The following CRISPLD1 variants were observed in gnomAD, a reference collection of about 807,000 sequenced individuals.
CRISPLD1 encodes the protein cysteine-rich secretory protein LCCL domain-containing 1.
Under a neutral mutation model 77.5 loss-of-function variants are expected in CRISPLD1, and 60 were observed. The observed-to-expected ratio is 0.77, with a 90% CI of 0.63 to 0.96. The LOEUF is 0.96. CRISPLD1 is among the 40% of genes least tolerant of loss of function. The pLI is 0.00. For missense variants in CRISPLD1, 623 were observed against 615.8 expected (o/e 1.01, Z -0.12); for synonymous variants, 195 against 200.1 (o/e 0.97, Z 0.22).
At chr8:74,991,027 CTG>C (rs1169293554) in intron 2 of CRISPLD1, among the ~76,000 whole-genome samples, 1 of 151,588 alleles carries the variant, frequency 6.6e-6, no homozygotes, top group Admixed American at 6.6e-5. Flanking sequence ...GAATCTCACT[CTG>C]TCAGCCAGGC....
intron 2 of CRISPLD1, among the ~76,000 whole-genome samples, chr8:75,008,885 AATAAT>A (rs1812880904): frequency 6.6e-6 from 1 of 152,174 alleles, no homozygotes; most frequent in African/African-American, 2.4e-5. Flanking sequence ...AAAGTATTTG[AATAAT>A]ATGTTTTACG....
At chr8:74,997,049 A>T in intron 2 of CRISPLD1, among the ~76,000 whole-genome samples, 1 of 152,150 alleles carries the variant, frequency 6.6e-6, no homozygotes, top group Non-Finnish European at 1.5e-5. Context: ...AAGTGAATAA[A>T]AATTTGTTTT....
In CRISPLD1 at chr8:75,029,495, C is replaced by T; in HGVS notation, c.1429C>T (p.Gln477Ter). The change falls in exon 14 of 15, where the codon CAG becomes TAG. Residue 477 changes from glutamine to a stop codon, truncating the protein, a stop_gained. Coordinates refer to ENST00000262207, the MANE Select transcript of CRISPLD1 (RefSeq NM_031461.6). LOFTEE classifies it high-confidence loss of function. ...AAGAAAGACCTACATTGCTTCTTTTCAGAATGGAATCTTCTCAGAAAGGTA... is the reference window on the plus strand; with the variant it reads ...AAGAAAGACCTACATTGCTTCTTTTTAGAATGGAATCTTCTCAGAAAGGTA... Reference protein sequence around the residue: ...DKRKTYIASFQNGIFSESLQN... With the variant: ...DKRKTYIASF 6.2e-7 allele frequency: 1 copy of T among 1,613,592 alleles called. No individual in the cohort carries two copies. The highest frequency in any genetic ancestry group is 8.5e-7 in the Non-Finnish European group (1 of 1,179,644).
chr8:75,006,865 A>G (rs1812840737), intron 2 of CRISPLD1, among the ~76,000 whole-genome samples: 2 of 152,116 alleles, frequency 1.3e-5, no homozygotes. Flanking sequence ...TTTATATGTG[A>G]AAGTCTGATT....
At chr8:75,000,076 A>G in intron 2 of CRISPLD1, 1 of 909,302 alleles carries the variant, frequency 1.1e-6, no homozygotes, top group Non-Finnish European at 1.3e-6. Context: ...AGGCAAGACC[A>G]GGAGTGAACA....
Position 75,032,880 on chromosome 8 carries a change from A to AAAG in CRISPLD1, c.*639_*641dup, listed in dbSNP as rs1813376540. On this transcript the variant is annotated 3_prime_UTR_variant, in exon 15 of 15. Coordinates refer to ENST00000262207, the MANE Select transcript of CRISPLD1 (RefSeq NM_031461.6). ...GAATGGCCTTAAAAATAAATGTAAT[A>AAAG]AAGTCAGAGTGGTGGTATGAAAACA... 6.6e-6 allele frequency: 1 copy of AAAG among 151,946 alleles called. No homozygotes were observed. The highest frequency in any genetic ancestry group is 2.4e-5 in the African/African-American group (1 of 41,440). The allele number at this position is 151,946 out of a possible 1,614,324, so 9.4% of individuals were successfully genotyped here.
At chr8:74,998,986 AC>A (rs1255458206) in intron 2 of CRISPLD1, among the ~76,000 whole-genome samples, 1 of 152,120 alleles carries the variant, frequency 6.6e-6, no homozygotes, top group African/African-American at 2.4e-5. Context: ...ACAGATACAT[AC>A]CAAATAGCAT....
chr8:75,009,069 CAA>C (rs543041436), intron 2 of CRISPLD1, among the ~76,000 whole-genome samples: 25 of 152,116 alleles, frequency 1.6e-4, no homozygotes, highest in South Asian at 4.2e-4. Flanking sequence ...GTGTGTGAAA[CAA>C]GAGTAAATTG....
At chr8:74,986,401 TC>T (rs1226108958) in intron 2 of CRISPLD1, among the ~76,000 whole-genome samples, 156 bp downstream of exon 2, 1 of 152,216 alleles carries the variant, frequency 6.6e-6, no homozygotes, top group Non-Finnish European at 1.5e-5. Context: ...TTATTAATGT[TC>T]CTTTTGTTTC....
intron 12 of CRISPLD1, among the ~76,000 whole-genome samples, chr8:75,022,531 T>C (rs902717156): frequency 6.8e-6 from 1 of 147,226 alleles, no homozygotes; most frequent in African/African-American, 2.5e-5. Context: ...GAGCTTGCAG[T>C]GAGCTGAGAT....
chr8:75,006,913 TTA>T (rs1812841715), intron 2 of CRISPLD1, among the ~76,000 whole-genome samples: 1 of 152,256 alleles, frequency 6.6e-6, no homozygotes, highest in Non-Finnish European at 1.5e-5. Flanking sequence ...TCATAAAACT[TTA>T]TATCCTTTAA....
chr8:75,029,652 A>G (rs997226734), intron 14 of CRISPLD1, 135 bp downstream of exon 14: 14 of 785,332 alleles, frequency 1.8e-5, no homozygotes, highest in Non-Finnish European at 2.8e-5. Flanking sequence ...GTTCCTTTGC[A>G]CACTTGTGTA....
At chr8:75,021,407 A>C (rs1813134196) in intron 12 of CRISPLD1, among the ~76,000 whole-genome samples, 1 of 152,140 alleles carries the variant, frequency 6.6e-6, no homozygotes, top group African/African-American at 2.4e-5. Flanking sequence ...GTGCTGTTGT[A>C]ATATTTTTGG....
At chr8:75,007,311 C>A (rs1052475356) in intron 2 of CRISPLD1, among the ~76,000 whole-genome samples, 2 of 152,076 alleles carry the variant, frequency 1.3e-5, no homozygotes, top group African/African-American at 4.8e-5. Context: ...TCACTAATTA[C>A]TGTTTTTGCA....
In CRISPLD1 at chr8:75,028,775, A is replaced by C. The variant is rs1279008651; in HGVS notation, c.1321-612A>C. On this transcript the variant is annotated intron_variant, in intron 13 of 14. Transcript: ENST00000262207. ...CAAACTAAGTTGACAGGCATTACAA[A>C]TCTAGGTAGAAGCTATGATGATTCT... is the stretch of plus-strand genomic sequence containing the variant. Among the ~76,000 whole-genome samples the C allele has an allele frequency of 2.8e-4, 42 of 152,172 alleles. 1 individual carries two copies. The highest frequency in any genetic ancestry group is 4.7e-4 in the Non-Finnish European group (32 of 68,012).
intron 12 of CRISPLD1, among the ~76,000 whole-genome samples, chr8:75,023,774 C>T (rs1473753129): frequency 1.4e-5 from 2 of 144,466 alleles, no homozygotes; most frequent in East Asian, 3.9e-4. Context: ...GTTTGTGTTT[C>T]CTTTTAGTGA....
At chr8:74,991,204 C>T (rs1330018848) in intron 2 of CRISPLD1, among the ~76,000 whole-genome samples, 1 of 152,216 alleles carries the variant, frequency 6.6e-6, no homozygotes, top group Non-Finnish European at 1.5e-5. Flanking sequence ...TCATGTTGGG[C>T]AGGCTGGTCC....
chr8:75,016,896 G>A lies in CRISPLD1; in HGVS notation c.884G>A (p.Cys295Tyr). Reference protein sequence around the residue: ...SAQQMSQIVSCEVRLRDQCKG... With the variant: ...SAQQMSQIVSYEVRLRDQCKG... Reference sequence around the variant, plus strand: ...TTCTTTGTAGCCCAAATTGTTTCTTGTGAAGTAAGATTAAGAGATCAGTGC... The same window carrying A: ...TTCTTTGTAGCCCAAATTGTTTCTTATGAAGTAAGATTAAGAGATCAGTGC... The change falls in exon 8 of 15, where the codon TGT (cysteine) becomes TAT (tyrosine). Residue 295 changes from cysteine to tyrosine, a missense_variant. Transcript: ENST00000262207. The A allele has an allele frequency of 6.4e-7, 1 of 1,570,384 alleles. No homozygotes were observed. The highest frequency in any genetic ancestry group is 1.2e-5 in the South Asian group (1 of 83,526).
intron 2 of CRISPLD1, among the ~76,000 whole-genome samples, chr8:75,003,334 C>A (rs1812777634): frequency 6.6e-6 from 1 of 152,024 alleles, no homozygotes; most frequent in African/African-American, 2.4e-5. Flanking sequence ...TTCTTTTGTC[C>A]AAGAAGTTTT....
Sources: gnomAD v4.1 joint callset for allele counts (sites outside exome capture counted in the v4.1 genomes callset) on GRCh38, gnomAD v4.1.1 for gene constraint, MANE v1.5 for transcripts, NCBI Gene and HGNC (gene_info 2026-07-23, HGNC 2026-07-21) for gene names.